Variants in SLC35F2 observed in about 807,000 individuals in gnomAD.
SLC35F2 encodes the protein queuine/queuosine transporter SLC35F2.
In SLC35F2, 25 loss-of-function variants were observed where a neutral mutation model predicts 38.1. That is an observed-to-expected ratio of 0.66 (90% CI 0.48 to 0.92). SLC35F2 has a LOEUF of 0.92. Among genes scored for constraint, SLC35F2 ranks in the 40% least tolerant of loss-of-function variants. The pLI is 0.00. For synonymous variants in SLC35F2, 173 were observed against 181.7 expected (o/e 0.95, Z 0.38); for missense variants, 409 against 452.9 (o/e 0.90, Z 0.88).
intron 1 of SLC35F2, among the ~76,000 whole-genome samples, chr11:107,824,169 T>C (rs1859719609): frequency 6.6e-6 from 1 of 151,172 alleles, no homozygotes; most frequent in African/African-American, 2.5e-5. Context: ...TTTTAAAAAA[T>C]AGATAGTGTA....
intron 1 of SLC35F2, among the ~76,000 whole-genome samples, chr11:107,832,600 C>T (rs549080369): frequency 6.6e-6 from 1 of 152,182 alleles, no homozygotes; most frequent in African/African-American, 2.4e-5. Context: ...CCCAAGAGTG[C>T]AAGACAAGCC....
chr11:107,803,467 AGC>A, intron 6 of SLC35F2: 1 of 946,576 alleles, frequency 1.1e-6, no homozygotes, highest in Non-Finnish European at 1.2e-6. Flanking sequence ...CTGCCAGGAC[AGC>A]GATGCCTGTG....
At chr11:107,837,735 T>C (rs563102993) in intron 1 of SLC35F2, among the ~76,000 whole-genome samples, 2 of 152,052 alleles carry the variant, frequency 1.3e-5, no homozygotes, top group South Asian at 2.1e-4. Flanking sequence ...GGAATAAAGA[T>C]AGTAAGAAAG....
At chr11:107,807,580 A>ATT (rs71047628) in intron 3 of SLC35F2, among the ~76,000 whole-genome samples, 11,919 of 147,242 alleles carry the variant, frequency 0.081, 1,108 homozygotes, top group East Asian at 0.27. Flanking sequence ...TATTATTATT[A>ATT]TTTTTTTTTT....
At chr11:107,849,163 G>A (rs1860138272) in intron 1 of SLC35F2, among the ~76,000 whole-genome samples, 1 of 151,986 alleles carries the variant, frequency 6.6e-6, no homozygotes, top group South Asian at 2.1e-4. Flanking sequence ...ATATAAGTAG[G>A]GTGCCTGATA....
chr11:107,791,804 AGGTCAAGACCAGCCT>A lies in SLC35F2; in HGVS notation c.*796_*810del, dbSNP rs1251624077. 6.6e-6 allele frequency: 1 copy of A among 152,198 alleles called. No homozygotes were observed. The highest frequency in any genetic ancestry group is 1.5e-5 in the Non-Finnish European group (1 of 68,098). 9.4% of individuals were successfully genotyped at this position (152,198 alleles called of 1,614,324 possible). Reference sequence around the variant, plus strand: ...GGCAGGCAGATCACTTGAGGTCGGGAGGTCAAGACCAGCCTGGGCAACATGGTGAAACCCCATGTC... The same window carrying A: ...GGCAGGCAGATCACTTGAGGTCGGGAGGGCAACATGGTGAAACCCCATGTC... On this transcript the variant is annotated 3_prime_UTR_variant, in exon 8 of 8. Transcript: ENST00000525815.
intron 1 of SLC35F2, among the ~76,000 whole-genome samples, chr11:107,831,982 C>A (rs1403504803): frequency 6.6e-6 from 1 of 152,156 alleles, no homozygotes; most frequent in African/African-American, 2.4e-5. Flanking sequence ...TTACCCTATA[C>A]ATTATAACAC....
chr11:107,815,786 A>G lies in SLC35F2; in HGVS notation c.286+4T>C, dbSNP rs1348232805. ...TGAAAAGATAATTTCCACATTTGACATACCTGATCGAAATGCCAGCATCAC... is the reference window on the plus strand; with the variant it reads ...TGAAAAGATAATTTCCACATTTGACGTACCTGATCGAAATGCCAGCATCAC... On this transcript the variant is annotated splice_donor_region_variant and intron_variant, in intron 2 of 7. Coordinates refer to ENST00000525815, the MANE Select transcript of SLC35F2 (RefSeq NM_017515.5). The G allele has an allele frequency of 6.2e-7, 1 of 1,602,638 alleles. No individual in the cohort carries two copies.
intron 7 of SLC35F2, among the ~76,000 whole-genome samples, chr11:107,794,997 T>C (rs916904103): frequency 3.3e-5 from 5 of 151,584 alleles, no homozygotes; most frequent in Non-Finnish European, 5.9e-5. Context: ...ACCAAGGAGG[T>C]GAAAGACCTC....
chr11:107,803,785 A>ACACACACACG (rs924761157), intron 6 of SLC35F2, among the ~76,000 whole-genome samples: 1 of 151,808 alleles, frequency 6.6e-6, no homozygotes, highest in African/African-American at 2.4e-5. Context: ...CAACACACAC[A>ACACACACACG]CACACACACA....
At chr11:107,810,438 T>C in intron 3 of SLC35F2, 1 of 984,708 alleles carries the variant, frequency 1.0e-6, no homozygotes, top group Non-Finnish European at 1.2e-6. Flanking sequence ...ATCAAGTAAT[T>C]AAAATGTAGG....
At position 107,816,708 on chromosome 11, in the gene SLC35F2, AG is replaced by A. The variant is rs140657864; in HGVS notation, c.111-744del. ...GGATAGATAGCAATATGGTTAACCA[AG>A]ATCCTAAATGCAGAAGGAAAAGGCA... On this transcript the variant is annotated intron_variant, in intron 1 of 7. Transcript: ENST00000525815. 9.8e-3 allele frequency among the ~76,000 whole-genome samples: 1,486 copies of A among 152,326 alleles called. 17 individuals carry two copies. The highest frequency in any genetic ancestry group is 0.034 in the African/African-American group (1,407 of 41,568).
In SLC35F2 at chr11:107,791,714, A is replaced by AAAAC. The variant is rs1262857291; in HGVS notation, c.*897_*900dup. The AAAAC allele has an allele frequency of 1.3e-5, 2 of 152,248 alleles. No individual in the cohort carries two copies. The highest frequency in any genetic ancestry group is 2.1e-4 in the South Asian group (1 of 4,824). The allele number at this position is 152,248 out of a possible 1,614,324, so 9.4% of individuals were successfully genotyped here. A position where few individuals can be genotyped will look rare whatever the true frequency, so the allele number is the denominator to read the frequency against. On this transcript the variant is annotated 3_prime_UTR_variant, in exon 8 of 8. Coordinates refer to ENST00000525815, the MANE Select transcript of SLC35F2 (RefSeq NM_017515.5). Reference sequence around the variant, plus strand: ...CATGGCGAAACCCCATCTCTCTACAAAAACAAACAAAACAGGCCTGGCACG... The same window carrying AAAAC: ...CATGGCGAAACCCCATCTCTCTACAAAAACAAACAAACAAAACAGGCCTGGCACG...
intron 1 of SLC35F2, among the ~76,000 whole-genome samples, chr11:107,831,471 T>C (rs533434383): frequency 7.2e-5 from 11 of 152,148 alleles, no homozygotes; most frequent in Non-Finnish European, 1.0e-4. Context: ...GCGATCCTCA[T>C]GCCTAGACCT....
In SLC35F2 at chr11:107,803,004, A is replaced by C; in HGVS notation, c.936T>G (p.Tyr312Ter). 1 of 1,608,296 alleles carries C rather than the reference A, an allele frequency of 6.2e-7. No homozygotes were observed. The highest frequency in any genetic ancestry group is 8.5e-7 in the Non-Finnish European group (1 of 1,178,490). Reference protein sequence around the residue: ...SLFVGLFLFGYKFSGLYILSF... With the variant: ...SLFVGLFLFG The stretch of plus-strand genomic sequence containing the variant: ...TGAACGTGATCTATTTGTTTACCTT[A>C]TAGCCAAACAGAAAGAGTCCAACAA... The change falls in exon 7 of 8, where the codon TAT becomes TAG. Residue 312 changes from tyrosine (Y) to a stop codon, truncating the protein, a stop_gained. Coordinates refer to ENST00000525815, the MANE Select transcript of SLC35F2 (RefSeq NM_017515.5). LOFTEE classifies it high-confidence loss of function.
intron 1 of SLC35F2, among the ~76,000 whole-genome samples, chr11:107,849,766 C>G (rs1464442619): frequency 1.3e-5 from 2 of 151,910 alleles, no homozygotes; most frequent in African/African-American, 4.8e-5. Context: ...AAGAAAGAAG[C>G]AAACAAAAGA....
intron 1 of SLC35F2, among the ~76,000 whole-genome samples, chr11:107,843,862 AAAAAAAATATATATAT>A (rs1256147234): frequency 5.4e-4 from 20 of 37,192 alleles, no homozygotes; most frequent in African/African-American, 2.0e-3. Context: ...AAAAAAAAAA[AAAAAAAATATATATAT>A]ATATATATAT....
intron 1 of SLC35F2, among the ~76,000 whole-genome samples, chr11:107,830,282 A>G (rs1300922996): frequency 6.6e-6 from 1 of 152,166 alleles, no homozygotes; most frequent in Non-Finnish European, 1.5e-5. Flanking sequence ...TAAAAACATT[A>G]TCCTAAGAAG....
At chr11:107,810,885 A>G (rs1003344449) in intron 3 of SLC35F2, 1 of 981,654 alleles carries the variant, frequency 1.0e-6, no homozygotes, top group Non-Finnish European at 1.2e-6. Flanking sequence ...TGTATTTTGT[A>G]TAGTGAGAAA....
Sources: allele counts gnomAD v4.1 joint callset (sites outside exome capture counted in the v4.1 genomes callset), GRCh38; gene constraint gnomAD v4.1.1; transcripts MANE v1.5; gene names NCBI Gene and HGNC (gene_info 2026-07-23, HGNC 2026-07-21).